Variants in FAF1 observed in about 807,000 individuals in gnomAD.
The protein encoded by FAF1 is Fas associated factor 1, also known as FAS-associated factor 1.
In FAF1, 25 loss-of-function variants were observed where a neutral mutation model predicts 92.5. That is an observed-to-expected ratio of 0.27 (90% confidence interval 0.20 to 0.38). The LOEUF is 0.38. FAF1 is among the 10% of genes least tolerant of loss of function. FAF1 has a pLI of 1.00. For missense variants in FAF1, 636 were observed against 793.3 expected (o/e 0.80, Z 2.38); for synonymous variants, 234 against 273.2 (o/e 0.86, Z 1.42).
intron 8 of FAF1, among the ~76,000 whole-genome samples, chr1:50,645,013 C>G (rs1170855678): frequency 6.8e-6 from 1 of 146,078 alleles, no homozygotes; most frequent in Non-Finnish European, 1.5e-5. Flanking sequence ...CACAACTTTT[C>G]TTTTCTTTTA....
intron 8 of FAF1, among the ~76,000 whole-genome samples, chr1:50,620,388 G>GT (rs1300743120): frequency 6.6e-6 from 1 of 152,138 alleles, no homozygotes. Context: ...AATTCTTGTA[G>GT]TAAACTTAGC....
intron 4 of FAF1, among the ~76,000 whole-genome samples, chr1:50,786,805 T>C (rs1290593718): frequency 6.6e-6 from 1 of 152,194 alleles, no homozygotes; most frequent in Non-Finnish European, 1.5e-5. Flanking sequence ...AGGTAGGGGC[T>C]TGATCAAACA....
chr1:50,734,582 A>G (rs1659062087), intron 6 of FAF1, among the ~76,000 whole-genome samples: 1 of 152,048 alleles, frequency 6.6e-6, no homozygotes, highest in Admixed American at 6.6e-5. Flanking sequence ...AATATACAAA[A>G]AATTAGCCGG....
chr1:50,765,834 T>G (rs1192570729), intron 4 of FAF1, among the ~76,000 whole-genome samples: 17 of 152,214 alleles, frequency 1.1e-4, no homozygotes, highest in Admixed American at 1.1e-3. Context: ...CTCACACCTG[T>G]AATCCCAGCA....
At chr1:50,931,129 T>G (rs1645043952) in intron 1 of FAF1, among the ~76,000 whole-genome samples, 2 of 152,188 alleles carry the variant, frequency 1.3e-5, no homozygotes, top group Admixed American at 6.5e-5. Flanking sequence ...GTCTCTACCT[T>G]TTGATTACTA....
At chr1:50,789,741 T>C (rs781270624) in intron 3 of FAF1, among the ~76,000 whole-genome samples, 1 of 118,376 alleles carries the variant, frequency 8.4e-6, no homozygotes, top group Non-Finnish European at 1.8e-5. Context: ...TTCTCAACCC[T>C]ACTCTCCTTT....
chr1:50,886,390 T>C (rs1381991982), intron 1 of FAF1, among the ~76,000 whole-genome samples: 1 of 152,200 alleles, frequency 6.6e-6, no homozygotes, highest in Non-Finnish European at 1.5e-5. Flanking sequence ...AGCTTTTTAA[T>C]TACTATACTT....
At chr1:50,519,147 T>G (rs564727319) in intron 15 of FAF1, among the ~76,000 whole-genome samples, 1 of 152,090 alleles carries the variant, frequency 6.6e-6, no homozygotes, top group African/African-American at 2.4e-5. Context: ...CTGGCCAGCA[T>G]GGTGAAACCC....
chr1:50,654,897 T>G (rs1213165978), intron 8 of FAF1, among the ~76,000 whole-genome samples: 1 of 152,158 alleles, frequency 6.6e-6, no homozygotes, highest in East Asian at 1.9e-4. Flanking sequence ...GCTTGGCTTG[T>G]GATATCTGTT....
chr1:50,915,462 G>A (rs1644913278), intron 1 of FAF1, among the ~76,000 whole-genome samples: 1 of 151,904 alleles, frequency 6.6e-6, no homozygotes, highest in African/African-American at 2.4e-5. Context: ...ATGTTAGGAT[G>A]CAGTTAAAAA....
At chr1:50,881,531 G>A (rs971820261) in intron 1 of FAF1, among the ~76,000 whole-genome samples, 1 of 152,082 alleles carries the variant, frequency 6.6e-6, no homozygotes, top group Non-Finnish European at 1.5e-5. Context: ...CCAAAAGAAG[G>A]AACATCCAGT....
At chr1:50,499,363 GTTT>G (rs199637214) in intron 15 of FAF1, among the ~76,000 whole-genome samples, 3 of 110,092 alleles carry the variant, frequency 2.7e-5, no homozygotes, top group Admixed American at 8.8e-5. Context: ...TAGCTGTAGG[GTTT>G]TTTTTTTTTT....
intron 4 of FAF1, among the ~76,000 whole-genome samples, chr1:50,763,184 G>A (rs1211521355): frequency 6.6e-6 from 1 of 152,168 alleles, no homozygotes; most frequent in African/African-American, 2.4e-5. Flanking sequence ...CTTGAACTCA[G>A]GAGGTAGTGG....
chr1:50,835,196 G>A (rs1644189453), intron 2 of FAF1, among the ~76,000 whole-genome samples: 1 of 152,026 alleles, frequency 6.6e-6, no homozygotes, highest in South Asian at 2.1e-4. Flanking sequence ...GACCAGAGTG[G>A]GATTTTAGAA....
chr1:50,579,763 A>G (rs192957006), intron 12 of FAF1, among the ~76,000 whole-genome samples: 6 of 152,246 alleles, frequency 3.9e-5, no homozygotes, highest in East Asian at 3.9e-4. Flanking sequence ...CGCCAGGAGG[A>G]AAAAATGGGG....
chr1:50,567,577 A>G (rs553408530), intron 12 of FAF1, among the ~76,000 whole-genome samples: 1 of 152,246 alleles, frequency 6.6e-6, no homozygotes, highest in Admixed American at 6.5e-5. Flanking sequence ...ATATATGTAA[A>G]GAGAAATATT....
At chr1:50,640,766 C>G (rs529687122) in intron 8 of FAF1, among the ~76,000 whole-genome samples, 4 of 150,984 alleles carry the variant, frequency 2.6e-5, no homozygotes, top group Non-Finnish European at 5.9e-5. Context: ...TAATTACTGG[C>G]ACTGTTAATT....
intron 1 of FAF1, among the ~76,000 whole-genome samples, chr1:50,944,261 G>A (rs1398593235): frequency 2.0e-5 from 3 of 152,174 alleles, no homozygotes; most frequent in Admixed American, 6.6e-5. Context: ...GACCCAGCAG[G>A]GATGGCAGAC....
chr1:50,714,591 G>C (rs967115161), intron 6 of FAF1, among the ~76,000 whole-genome samples: 7 of 152,040 alleles, frequency 4.6e-5, no homozygotes, highest in Non-Finnish European at 8.8e-5. Flanking sequence ...CTGGAGCTGG[G>C]TATCAGTTTT....
Sources: gnomAD v4.1 joint callset for allele counts (sites outside exome capture counted in the v4.1 genomes callset) on GRCh38, gnomAD v4.1.1 for gene constraint, MANE v1.5 for transcripts, NCBI Gene and HGNC (gene_info 2026-07-23, HGNC 2026-07-21) for gene names.